Variants in SOX6 observed in about 807,000 individuals in gnomAD.
The protein encoded by SOX6 is transcription factor SOX-6.
Under a neutral mutation model 97.8 loss-of-function variants are expected in SOX6, and 11 were observed. The ratio of observed to expected loss-of-function variants is 0.11; its 90% confidence interval spans 0.07 to 0.19. The LOEUF (loss-of-function observed/expected upper bound fraction) is 0.19, where lower values mean the gene tolerates loss of function less well. SOX6 is among the 10% of genes least tolerant of loss of function. The probability of loss-of-function intolerance (pLI) is 1.00; values close to 1 mark genes in which losing one functional copy is unlikely to be tolerated. For missense variants in SOX6, 810 were observed against 1,039.5 expected (o/e 0.78, Z 3.04); for synonymous variants, 360 against 371.4 (o/e 0.97, Z 0.35).
chr11:16,163,362 T>C (rs766776793), intron 6 of SOX6, among the ~76,000 whole-genome samples: 74 of 152,212 alleles, frequency 4.9e-4, no homozygotes, highest in Non-Finnish European at 9.8e-4. Context: ...TAAGATCCTA[T>C]AGATTTTTAC....
Position 16,512,064 on chromosome 11 carries a change from C to T in SOX6, n.610-35676G>A, listed in dbSNP as rs1860887444. ...TATGTTCTTTTTTTGTCCCAACTTC[C>T]ATGAATCAGACATTTGCCTAAGGAC... On this transcript the variant is annotated intron_variant and non_coding_transcript_variant, in intron 4 of 5. Transcript: ENST00000524520. 2.0e-5 allele frequency among the ~76,000 whole-genome samples: 3 copies of T among 152,062 alleles called. No individual in the cohort carries two copies. The South Asian group carries it at 6.2e-4, about 31-fold the overall frequency.
intron 1 of SOX6, among the ~76,000 whole-genome samples, chr11:16,459,933 A>G (rs1859887814): frequency 6.6e-6 from 1 of 152,036 alleles, no homozygotes; most frequent in East Asian, 1.9e-4. Flanking sequence ...TTCCAGATAC[A>G]ATGAAAACCA....
At chr11:16,499,826 C>T (rs1012207072) in intron 4 of SOX6, among the ~76,000 whole-genome samples, 6 of 152,094 alleles carry the variant, frequency 3.9e-5, no homozygotes, top group Admixed American at 3.3e-4. Flanking sequence ...TAATAGCTTA[C>T]CAACCAAAAA....
intron 2 of SOX6, among the ~76,000 whole-genome samples, chr11:16,722,473 G>A (rs748783656): frequency 3.3e-5 from 5 of 152,154 alleles, no homozygotes; most frequent in Non-Finnish European, 5.9e-5. Context: ...CCAACATGGT[G>A]AGATCTTGTC....
chr11:16,365,726 T>C (rs1857340964), intron 1 of SOX6, among the ~76,000 whole-genome samples: 1 of 152,124 alleles, frequency 6.6e-6, no homozygotes, highest in Non-Finnish European at 1.5e-5. Context: ...GTCACCAGAT[T>C]AGATGCTCGT....
chr11:16,023,137 C>T (rs1428816304), intron 12 of SOX6: 1 of 152,146 alleles, frequency 6.6e-6, no homozygotes, highest in African/African-American at 2.4e-5. Context: ...CTTCCACCAG[C>T]CCTGGGAAGA....
intron 12 of SOX6, among the ~76,000 whole-genome samples, chr11:16,042,554 C>T (rs988291598): frequency 2.6e-5 from 4 of 152,110 alleles, no homozygotes; most frequent in South Asian, 2.1e-4. Context: ...AGTGGAAATA[C>T]AATTAACTAG....
chr11:16,435,720 C>CA (rs1859363056), intron 1 of SOX6, among the ~76,000 whole-genome samples: 1 of 151,598 alleles, frequency 6.6e-6, no homozygotes, highest in African/African-American at 2.4e-5. Flanking sequence ...ATACACCTAC[C>CA]AAAAAAGTCT....
intron 3 of SOX6, among the ~76,000 whole-genome samples, chr11:16,303,358 T>C (rs1855323967): frequency 6.6e-6 from 1 of 152,198 alleles, no homozygotes; most frequent in Admixed American, 6.5e-5. Context: ...TAAAATCATC[T>C]TGTGAGGCAA....
chr11:16,134,632 A>G (rs1849909326), intron 6 of SOX6, among the ~76,000 whole-genome samples: 1 of 152,072 alleles, frequency 6.6e-6, no homozygotes. Flanking sequence ...TCTTATTATT[A>G]TATCTGTTGT....
intron 6 of SOX6, among the ~76,000 whole-genome samples, chr11:16,137,287 A>G (rs142084158): frequency 1.3e-5 from 2 of 152,058 alleles, no homozygotes; most frequent in Non-Finnish European, 2.9e-5. Flanking sequence ...TTAGCTGGAC[A>G]TGGTGGCATG....
At chr11:16,035,041 A>G (rs1023892625) in intron 12 of SOX6, among the ~76,000 whole-genome samples, 1 of 152,234 alleles carries the variant, frequency 6.6e-6, no homozygotes, top group Non-Finnish European at 1.5e-5. Flanking sequence ...AGACTCACAT[A>G]TAGATTTATA....
At chr11:16,385,792 A>C (rs1245409087) in intron 1 of SOX6, among the ~76,000 whole-genome samples, 5 of 152,194 alleles carry the variant, frequency 3.3e-5, no homozygotes, top group Non-Finnish European at 5.9e-5. Flanking sequence ...ATCCCAGGCA[A>C]CTGCCACATC....
At chr11:16,545,880 C>T (rs778953393) in intron 4 of SOX6, among the ~76,000 whole-genome samples, 1 of 152,068 alleles carries the variant, frequency 6.6e-6, no homozygotes, top group Non-Finnish European at 1.5e-5. Flanking sequence ...TGAGCCCAGG[C>T]AGTTGAGGCT....
At chr11:16,072,231 T>C (rs187097723) in intron 9 of SOX6, among the ~76,000 whole-genome samples, 111 of 152,064 alleles carry the variant, frequency 7.3e-4, no homozygotes, top group Non-Finnish European at 1.3e-3. Context: ...AAAAGACAAA[T>C]AGCCATTTTA....
intron 4 of SOX6, among the ~76,000 whole-genome samples, chr11:16,551,543 A>G (rs1847686516): frequency 6.6e-6 from 1 of 151,364 alleles, no homozygotes; most frequent in African/African-American, 2.4e-5. Flanking sequence ...TAGATGCCAT[A>G]ATATTTATAA....
chr11:16,411,874 A>G (rs1016615375), intron 1 of SOX6, among the ~76,000 whole-genome samples: 1 of 152,146 alleles, frequency 6.6e-6, no homozygotes, highest in Non-Finnish European at 1.5e-5. Context: ...TTTGAAGCAA[A>G]TCTATTAACA....
At chr11:16,009,030 G>T (rs908599245) in intron 13 of SOX6, among the ~76,000 whole-genome samples, 1 of 151,954 alleles carries the variant, frequency 6.6e-6, no homozygotes, top group African/African-American at 2.4e-5. Context: ...ATTTTGGGTA[G>T]CTATGGAAAG....
intron 1 of SOX6, among the ~76,000 whole-genome samples, chr11:16,414,224 C>A (rs1051141426): frequency 1.3e-5 from 2 of 152,062 alleles, no homozygotes; most frequent in African/African-American, 4.8e-5. Context: ...TTTGTTTTCC[C>A]CCACCAAAAG....
Sources: allele counts gnomAD v4.1 joint callset (sites outside exome capture counted in the v4.1 genomes callset), GRCh38; gene constraint gnomAD v4.1.1; transcripts MANE v1.5; gene names NCBI Gene and HGNC (gene_info 2026-07-23, HGNC 2026-07-21).